CNDP2: variants seen among roughly 807,000 people sequenced by gnomAD.
The protein encoded by CNDP2 is carnosine dipeptidase 2.
Under a neutral mutation model 55.0 loss-of-function variants are expected in CNDP2, and 38 were observed. That is an observed-to-expected ratio of 0.69 (90% confidence interval 0.53 to 0.90). The LOEUF is 0.90. Ranked by LOEUF, CNDP2 falls within the 40% of genes least tolerant of loss-of-function variation. The pLI, the probability that CNDP2 is intolerant of heterozygous loss-of-function variation, is 0.00. For synonymous variants in CNDP2, 241 were observed against 260.2 expected (o/e 0.93, Z 0.71); for missense variants, 607 against 621.7 (o/e 0.98, Z 0.25).
chr18:74,501,084 T>C (rs1042659135), intron 2 of CNDP2: 5 of 877,310 alleles, frequency 5.7e-6, no homozygotes, highest in Non-Finnish European at 7.2e-6. Flanking sequence ...TGTTTTTTTT[T>C]TGTTTGTTTT....
intron 4 of CNDP2, 91 bp downstream of exon 4, chr18:74,506,102 T>A: frequency 8.9e-7 from 1 of 1,125,752 alleles, no homozygotes; most frequent in South Asian, 3.2e-5. Flanking sequence ...CAGTACAGAC[T>A]GTTTTTATTT....
chr18:74,498,059 G>A (rs867046329), intron 1 of CNDP2: 1 of 152,128 alleles, frequency 6.6e-6, no homozygotes. Flanking sequence ...AACAGGAGTT[G>A]CTTTTTAGCC....
At chr18:74,516,521 T>C in intron 9 of CNDP2, 129 bp downstream of exon 9, 1 of 868,806 alleles carries the variant, frequency 1.2e-6, no homozygotes, top group Middle Eastern at 3.4e-4. Flanking sequence ...TCTGGCCAAG[T>C]CAGTAATTAT....
intron 1 of CNDP2, among the ~76,000 whole-genome samples, 154 bp downstream of exon 1, chr18:74,496,585 G>A (rs1453596680): frequency 6.6e-6 from 1 of 152,184 alleles, no homozygotes; most frequent in Non-Finnish European, 1.5e-5. Context: ...AATGGTGTCC[G>A]GGCTGTTCCC....
At position 74,512,533 on chromosome 18, in the gene CNDP2, G is replaced by A. The variant is rs749245800; in HGVS notation, c.742+1G>A. ...ATGACTGATCTCATTTTGCTGATGGGTAAGTGCGGGATGGCATTCAGTCCG... is the reference window on the plus strand; with the variant it reads ...ATGACTGATCTCATTTTGCTGATGGATAAGTGCGGGATGGCATTCAGTCCG... On this transcript the variant is annotated splice_donor_variant, in intron 7 of 11. Coordinates refer to ENST00000324262, the MANE Select transcript of CNDP2 (RefSeq NM_018235.3). LOFTEE classifies it high-confidence loss of function. The A allele has an allele frequency of 1.2e-6, 2 of 1,613,640 alleles. No homozygotes were observed. Among genetic ancestry groups the A allele is most frequent in the Non-Finnish European group, 1.7e-6 (2 of 1,179,682 alleles).
intron 4 of CNDP2, among the ~76,000 whole-genome samples, chr18:74,506,401 G>T (rs966676647): frequency 6.6e-6 from 1 of 152,182 alleles, no homozygotes; most frequent in Non-Finnish European, 1.5e-5. Context: ...CTCCCAAAGT[G>T]CTGGGATTAC....
rs373719421 is a variant in CNDP2 at position 74,505,900 on chromosome 18, G to A, written c.256G>A (p.Gly86Ser). 6.2e-7 allele frequency: 1 copy of A among 1,611,860 alleles called. No individual in the cohort carries two copies. The change falls in exon 4 of 12, where the codon GGC becomes AGC. Residue 86 changes from glycine to serine, a missense_variant. Coordinates refer to ENST00000324262, the MANE Select transcript of CNDP2 (RefSeq NM_018235.3). ...CCCTCCTATTCTGCTCGGCAGGCTG[G>A]GCTCCGACCCACAGAAGAAGACCGT... ...PLPPILLGRL[G>S]SDPQKKTVCI...
At chr18:74,512,612 G>C (rs1255572223) in intron 7 of CNDP2, 80 bp downstream of exon 7, 1 of 1,264,154 alleles carries the variant, frequency 7.9e-7, no homozygotes, top group Non-Finnish European at 1.1e-6. Flanking sequence ...CATCAGCATT[G>C]GGTGCATTTC....
intron 7 of CNDP2, 103 bp downstream of exon 7, chr18:74,512,635 G>T: frequency 1.1e-6 from 1 of 937,170 alleles, no homozygotes; most frequent in South Asian, 1.6e-5. Context: ...CATTCCACAT[G>T]AACCAACTTC....
chr18:74,516,115 C>A, intron 8 of CNDP2, 113 bp from the exon 9 acceptor site: 1 of 1,199,274 alleles, frequency 8.3e-7, no homozygotes, highest in African/African-American at 1.5e-5. Context: ...GCTCCTGGGC[C>A]AGGCCCTGTT....
chr18:74,517,275 T>C (rs1303923179), intron 9 of CNDP2: 1 of 152,184 alleles, frequency 6.6e-6, no homozygotes, highest in African/African-American at 2.4e-5. Context: ...CAAGTTAGTT[T>C]TATTCAGGCG....
chr18:74,502,485 G>C (rs924416213), intron 3 of CNDP2, among the ~76,000 whole-genome samples: 7 of 102,420 alleles, frequency 6.8e-5, no homozygotes, highest in African/African-American at 2.7e-4. Flanking sequence ...TTTTTTTTTT[G>C]TCGGGATGGG....
At chr18:74,516,523 A>C in intron 9 of CNDP2, 131 bp downstream of exon 9, 2 of 849,760 alleles carry the variant, frequency 2.4e-6, no homozygotes. Context: ...TGGCCAAGTC[A>C]GTAATTATGA....
Position 74,512,440 on chromosome 18 carries a change from C to A in CNDP2, c.658-8C>A, listed in dbSNP as rs774078351. 2.5e-6 allele frequency: 4 copies of A among 1,610,916 alleles called. No homozygotes were observed. The highest frequency in any genetic ancestry group is 3.4e-6 in the Non-Finnish European group (4 of 1,178,086). On this transcript the variant is annotated splice_region_variant and splice_polypyrimidine_tract_variant and intron_variant, in intron 6 of 11. Coordinates refer to ENST00000324262, the MANE Select transcript of CNDP2 (RefSeq NM_018235.3). ...CAGCCAGACACAGTGGCCTTTGTTT[C>A]CGTGCAGGTGGAGTGCAGCAACAAA...
chr18:74,523,099 C>G lies in CNDP2; in HGVS notation c.*3031C>G, dbSNP rs1262237560. The G allele has an allele frequency of 1.3e-5, 2 of 152,294 alleles. No homozygotes were observed. The highest frequency in any genetic ancestry group is 2.9e-5 in the Non-Finnish European group (2 of 68,082). 9.4% of individuals were successfully genotyped at this position (152,294 alleles called of 1,614,324 possible). Reference sequence around the variant, plus strand: ...CCACGTTCCCAGTGCCCGACCCAAGCCTGGCCCATGATCAGATAAATGCCT... The same window carrying G: ...CCACGTTCCCAGTGCCCGACCCAAGGCTGGCCCATGATCAGATAAATGCCT... On this transcript the variant is annotated 3_prime_UTR_variant, in exon 12 of 12. Transcript: ENST00000324262.
chr18:74,508,893 A>G lies in CNDP2; in HGVS notation c.421A>G (p.Ile141Val). The stretch of plus-strand genomic sequence containing the variant: ...TGATAAGGGCCCGGTGGCCGGCTGG[A>G]TAAACGCCCTGGAAGCGTATCAGAA... ...TDDKGPVAGWINALEAYQKTG... is the reference protein window; with the variant it reads ...TDDKGPVAGWVNALEAYQKTG... Residue 141 changes from isoleucine to valine, a missense_variant, in exon 5 of 12, where the codon ATA becomes GTA. By Grantham distance (29) the Ile-to-Val change is conservative (BLOSUM62 3). Transcript: ENST00000324262. 1.9e-6 allele frequency: 3 copies of G among 1,614,092 alleles called. No homozygotes were observed. The highest frequency in any genetic ancestry group is 2.5e-6 in the Non-Finnish European group (3 of 1,180,008).
intron 6 of CNDP2, among the ~76,000 whole-genome samples, chr18:74,511,567 G>T (rs1344808256): frequency 1.3e-5 from 2 of 152,164 alleles, no homozygotes; most frequent in Non-Finnish European, 2.9e-5. Context: ...AGTTAGCCAG[G>T]TGTGGTGGCA....
In CNDP2 at chr18:74,516,364, A is replaced by T. The variant is rs776323023; in HGVS notation, c.1040A>T (p.Asn347Ile). The change falls in exon 9 of 12, where the codon AAC becomes ATC. Residue 347 changes from asparagine (N) to isoleucine (I), a missense_variant. By Grantham distance (149) the Asn-to-Ile change is moderately radical. Coordinates refer to ENST00000324262, the MANE Select transcript of CNDP2 (RefSeq NM_018235.3). ...VGKFSIRLVP[N>I]MTPEVVGEQV... ...AAGTTCTCCATCAGGCTCGTGCCGA[A>T]CATGACTCCTGAAGTCGTCGGCGAG... The T allele has an allele frequency of 6.2e-7, 1 of 1,613,598 alleles. No individual in the cohort carries two copies. Among genetic ancestry groups the T allele is most frequent in the Non-Finnish European group, 8.5e-7 (1 of 1,179,692 alleles).
Position 74,513,612 on chromosome 18 carries a change from G to A in CNDP2, c.796G>A (p.Val266Met), listed in dbSNP as rs900794676. The change falls in exon 8 of 12, where the codon GTG (valine) becomes ATG (methionine). Residue 266 changes from valine to methionine, a missense_variant. Coordinates refer to ENST00000324262, the MANE Select transcript of CNDP2 (RefSeq NM_018235.3). ...CCTGATCCCCGGCATTAACGAGGCCGTGGCCGCCGTCACGGAAGAGGAGCA... is the reference window on the plus strand; with the variant it reads ...CCTGATCCCCGGCATTAACGAGGCCATGGCCGCCGTCACGGAAGAGGAGCA... ...NILIPGINEA[V>M]AAVTEEEHKL... 8 of 1,613,862 alleles carry A rather than the reference G, an allele frequency of 5.0e-6. No homozygotes were observed. Among genetic ancestry groups the A allele is most frequent in the South Asian group, 1.1e-5 (1 of 91,094 alleles).
Sources: gnomAD v4.1 joint callset for allele counts (sites outside exome capture counted in the v4.1 genomes callset) on GRCh38, gnomAD v4.1.1 for gene constraint, MANE v1.5 for transcripts, NCBI Gene and HGNC (gene_info 2026-07-23, HGNC 2026-07-21) for gene names.